Variants in IRAK2 observed in about 807,000 individuals in gnomAD.
IRAK2 encodes the protein interleukin 1 receptor associated kinase 2, also known as interleukin-1 receptor-associated kinase-like 2.
In IRAK2, 57 loss-of-function variants were observed where a neutral mutation model predicts 72.0. The ratio of observed to expected loss-of-function variants is 0.79; its 90% CI spans 0.64 to 0.99. IRAK2 has a LOEUF of 0.99. Ranked by LOEUF, IRAK2 falls within the 50% of genes least tolerant of loss-of-function variation. The pLI is 0.00. For synonymous variants in IRAK2, 293 were observed against 312.7 expected (o/e 0.94, Z 0.67); for missense variants, 790 against 794.4 (o/e 0.99, Z 0.07).
At chr3:10,208,430 G>A (rs1457739113) in intron 3 of IRAK2, among the ~76,000 whole-genome samples, 4 of 149,324 alleles carry the variant, frequency 2.7e-5, no homozygotes, top group Non-Finnish European at 5.9e-5. Flanking sequence ...AAGTAGAGGG[G>A]ACCACAGGTG....
At chr3:10,210,477 T>C (rs901556248) in intron 4 of IRAK2, among the ~76,000 whole-genome samples, 2 of 152,216 alleles carry the variant, frequency 1.3e-5, no homozygotes, top group African/African-American at 4.8e-5. Context: ...ATTTATTTTC[T>C]TCTGATTTTA....
At chr3:10,191,584 C>T (rs1395923167) in intron 2 of IRAK2, among the ~76,000 whole-genome samples, 2 of 152,128 alleles carry the variant, frequency 1.3e-5, no homozygotes. Context: ...CAAGTGTTTG[C>T]TGCCTAAGGA....
chr3:10,168,820 G>A (rs1559436876), intron 1 of IRAK2, among the ~76,000 whole-genome samples: 1 of 152,162 alleles, frequency 6.6e-6, no homozygotes, highest in African/African-American at 2.4e-5. Flanking sequence ...CAGACACAGG[G>A]TCTTTGCAGG....
intron 1 of IRAK2, among the ~76,000 whole-genome samples, chr3:10,174,983 G>A (rs1696849888): frequency 6.6e-6 from 1 of 151,420 alleles, no homozygotes; most frequent in Admixed American, 6.6e-5. Flanking sequence ...CCCAGCTGCT[G>A]GGGAGGCTGA....
In IRAK2 at chr3:10,237,755, C is replaced by T. The variant is rs901902536; in HGVS notation, c.1474-993C>T. 8.9e-5 allele frequency among the ~76,000 whole-genome samples: 13 copies of T among 145,640 alleles called. No individual in the cohort carries two copies. The South Asian group carries it at 2.4e-3, about 26-fold the overall frequency. On this transcript the variant is annotated intron_variant, in intron 11 of 12. Transcript: ENST00000256458. ...CCGGGAGGCAGAGCTTGCAGTGAAC[C>T]GAGATACGCCCCTGCAGTCCGGCCT...
intron 2 of IRAK2, among the ~76,000 whole-genome samples, chr3:10,181,970 CTTTTTT>C (rs376518112): frequency 1.8e-3 from 237 of 131,836 alleles, no homozygotes; most frequent in African/African-American, 6.2e-3. Context: ...TTTTTCTTTT[CTTTTTT>C]TTTTTTTTTG....
intron 9 of IRAK2, among the ~76,000 whole-genome samples, chr3:10,224,732 C>A (rs908404656): frequency 3.7e-5 from 3 of 81,308 alleles, no homozygotes; most frequent in East Asian, 4.1e-4. Flanking sequence ...ACATACCCAT[C>A]CATCCATCCA....
chr3:10,219,648 A>T, intron 7 of IRAK2, 32 bp from the exon 8 acceptor site: 1 of 1,529,160 alleles, frequency 6.5e-7, no homozygotes, highest in Non-Finnish European at 9.1e-7. Context: ...GTACATTGTG[A>T]CTATTTGTCC....
At chr3:10,221,012 T>G (rs1038942803) in intron 8 of IRAK2, among the ~76,000 whole-genome samples, 6 of 151,944 alleles carry the variant, frequency 3.9e-5, no homozygotes, top group African/African-American at 1.2e-4. Context: ...AGTCTTCCCG[T>G]GAAGGAATTT....
rs534950594 is a variant in IRAK2 at position 10,195,976 on chromosome 3, G to T, written c.278-4393G>T. On this transcript the variant is annotated intron_variant, in intron 2 of 12. Coordinates refer to ENST00000256458, the MANE Select transcript of IRAK2 (RefSeq NM_001570.4). ...GAAAGATGAGGACTGGGAGTGGCGG[G>T]GGGTAGCCTTCCAAGGGAGCACAGG... 1.2e-4 allele frequency among the ~76,000 whole-genome samples: 19 copies of T among 152,298 alleles called. 2 individuals are homozygous for T. The East Asian group carries it at 2.1e-3, about 17-fold the overall frequency.
chr3:10,239,202 A>G (rs1334646649), intron 12 of IRAK2, among the ~76,000 whole-genome samples, 163 bp downstream of exon 12: 1 of 151,706 alleles, frequency 6.6e-6, no homozygotes, highest in Non-Finnish European at 1.5e-5. Context: ...CATCCTTGAC[A>G]CCTCCCTCTC....
At chr3:10,215,751 TACACAC>T (rs145978380) in intron 6 of IRAK2, among the ~76,000 whole-genome samples, 10 of 150,026 alleles carry the variant, frequency 6.7e-5, no homozygotes, top group African/African-American at 1.5e-4. Context: ...CTCACATGTG[TACACAC>T]ACACACACAC....
intron 2 of IRAK2, among the ~76,000 whole-genome samples, chr3:10,178,432 G>A (rs1696912061): frequency 6.6e-6 from 1 of 151,834 alleles, no homozygotes; most frequent in Non-Finnish European, 1.5e-5. Context: ...ACTCCAGCCT[G>A]GGTGACAGTG....
Position 10,164,980 on chromosome 3 carries a change from C to A in IRAK2, c.26C>A (p.Pro9His), listed in dbSNP as rs763606474. The A allele has an allele frequency of 6.2e-7, 1 of 1,611,462 alleles. No individual in the cohort carries two copies. The change falls in exon 1 of 13, where the codon CCC becomes CAC. Residue 9 changes from proline (P) to histidine (H), a missense_variant. Coordinates refer to ENST00000256458, the MANE Select transcript of IRAK2 (RefSeq NM_001570.4). ...ATGGCCTGCTACATCTACCAGCTGC[C>A]CTCCTGGGTGCTGGACGACCTGTGC... is the stretch of plus-strand genomic sequence containing the variant. MACYIYQL[P>H]SWVLDDLCRN...
Position 10,226,334 on chromosome 3 carries a change from G to A in IRAK2, c.1210-37G>A, listed in dbSNP as rs11465918. 6.8e-4 allele frequency: 1,066 copies of A among 1,577,436 alleles called. 8 individuals are homozygous for A. In the African/African-American group the frequency reaches 0.013, roughly 19 times the overall value. On this transcript the variant is annotated intron_variant, in intron 9 of 12. Coordinates refer to ENST00000256458, the MANE Select transcript of IRAK2 (RefSeq NM_001570.4). ...CTGCTGCCTGGCTGTGTGCACGAGC[G>A]TCTGAACCATGCTAACTCACGTTCT... is the stretch of plus-strand genomic sequence containing the variant.
rs1156677390 is a variant in IRAK2 at position 10,242,882 on chromosome 3, C to T, written c.*654C>T. ...GGCCTCAGGTTCTACAAATGCCAGA[C>T]ACCTAGCGAAGAGCTCTGCAGGCTT... is the stretch of plus-strand genomic sequence containing the variant. On this transcript the variant is annotated 3_prime_UTR_variant, in exon 13 of 13. Transcript: ENST00000256458. 6.6e-6 allele frequency: 1 copy of T among 152,212 alleles called. No individual in the cohort carries two copies. The highest frequency in any genetic ancestry group is 1.5e-5 in the Non-Finnish European group (1 of 68,080). The allele number at this position is 152,212 out of a possible 1,614,324, so 9.4% of individuals were successfully genotyped here.
At chr3:10,186,783 CTTT>C (rs4020034) in intron 2 of IRAK2, among the ~76,000 whole-genome samples, 14 of 124,704 alleles carry the variant, frequency 1.1e-4, no homozygotes, top group East Asian at 8.8e-4. Flanking sequence ...TCTTTCTTTC[CTTT>C]TTTTTTTTTT....
chr3:10,184,949 G>T (rs1697028915), intron 2 of IRAK2, among the ~76,000 whole-genome samples: 1 of 150,242 alleles, frequency 6.7e-6, no homozygotes, highest in Non-Finnish European at 1.5e-5. Context: ...GTGTTAGCCA[G>T]GGTGATCTCC....
At chr3:10,203,005 C>CT (rs996671610) in intron 3 of IRAK2, among the ~76,000 whole-genome samples, 2 of 149,934 alleles carry the variant, frequency 1.3e-5, no homozygotes, top group African/African-American at 4.9e-5. Context: ...TACTTACTTT[C>CT]TTTTTTTGGC....
Sources: allele counts gnomAD v4.1 joint callset (sites outside exome capture counted in the v4.1 genomes callset), GRCh38; gene constraint gnomAD v4.1.1; transcripts MANE v1.5; gene names NCBI Gene and HGNC (gene_info 2026-07-23, HGNC 2026-07-21).